DIAPH2: variants seen among roughly 807,000 people sequenced by gnomAD.
The protein encoded by DIAPH2 is diaphanous related formin 2.
A neutral mutation model predicts 92.7 loss-of-function variants in DIAPH2; 35 were observed. The observed-to-expected ratio is 0.38, with a 90% CI of 0.29 to 0.50. The LOEUF is 0.50. DIAPH2 is among the 20% of genes least tolerant of loss of function. The pLI is 0.94. For missense variants in DIAPH2, 701 were observed against 819.5 expected, an observed-to-expected ratio of 0.86 and a Z score of 1.77; for synonymous variants, 301 against 280.4, an observed-to-expected ratio of 1.07 and a Z score of -0.73.
chrX:96,821,041 A>G (rs233679), intron 4 of DIAPH2, among the ~76,000 whole-genome samples: 45,877 of 110,278 alleles, frequency 0.42, 8,218 homozygotes, highest in African/African-American at 0.7. Context: ...CAAAACAATA[A>G]GAAAGCCAGT....
At chrX:96,889,887 T>C (rs751900679) in intron 5 of DIAPH2, among the ~76,000 whole-genome samples, 2 of 112,239 alleles carry the variant, frequency 1.8e-5, no homozygotes, top group East Asian at 5.6e-4. Context: ...TGGCATGTTC[T>C]AGGAATGTCA....
At chrX:97,355,908 G>A (rs1046667191) in intron 24 of DIAPH2, among the ~76,000 whole-genome samples, 2 of 111,800 alleles carry the variant, frequency 1.8e-5, no homozygotes, top group Non-Finnish European at 3.8e-5. Flanking sequence ...TGAAAATATA[G>A]CAATGAACAA....
At chrX:97,417,978 T>G (rs1206339738) in intron 25 of DIAPH2, among the ~76,000 whole-genome samples, 1 of 111,455 alleles carries the variant, frequency 9.0e-6, no homozygotes, top group Non-Finnish European at 1.9e-5. Flanking sequence ...ACCATGACAA[T>G]TAACTGATCA....
intron 26 of DIAPH2, among the ~76,000 whole-genome samples, chrX:97,448,272 A>T (rs2147791808): frequency 8.9e-6 from 1 of 112,362 alleles, no homozygotes; most frequent in South Asian, 3.7e-4. Flanking sequence ...TTCAATATAT[A>T]TTCCAAATTG....
chrX:97,286,463 A>G (rs749416607), intron 23 of DIAPH2, among the ~76,000 whole-genome samples: 7 of 111,506 alleles, frequency 6.3e-5, no homozygotes, highest in Non-Finnish European at 1.1e-4. Flanking sequence ...GGCTGTTGCA[A>G]TGCTAGAGGG....
Position 97,501,739 on chromosome X carries a change from A to G in DIAPH2, c.3241+71994A>G, listed in dbSNP as rs767300848. 3.6e-5 allele frequency among the ~76,000 whole-genome samples: 4 copies of G among 112,194 alleles called. No homozygotes were observed. The East Asian group carries it at 1.1e-3, about 31-fold the overall frequency. On this transcript the variant is annotated intron_variant, in intron 26 of 26. Coordinates refer to ENST00000324765, the MANE Select transcript of DIAPH2 (RefSeq NM_006729.5). Reference sequence around the variant, plus strand: ...TTTTAATAAAGCGGGCTTTTAAAATAATTTAATTCAACTTTTCACCTCTTA... The same window carrying G: ...TTTTAATAAAGCGGGCTTTTAAAATGATTTAATTCAACTTTTCACCTCTTA...
intron 4 of DIAPH2, among the ~76,000 whole-genome samples, chrX:96,815,240 T>A (rs1771930764): frequency 8.9e-6 from 1 of 111,826 alleles, no homozygotes; most frequent in South Asian, 3.8e-4. Flanking sequence ...GCCTCAGCAA[T>A]GGTGGATGCC....
chrX:97,435,139 G>T (rs868412045), intron 26 of DIAPH2, among the ~76,000 whole-genome samples: 1 of 111,661 alleles, frequency 9.0e-6, no homozygotes, highest in Non-Finnish European at 1.9e-5. Context: ...AAAAACCGAT[G>T]ATTTGCTATT....
chrX:97,164,564 T>TCA (rs2067398248), intron 22 of DIAPH2, among the ~76,000 whole-genome samples: 1 of 112,228 alleles, frequency 8.9e-6, no homozygotes, highest in African/African-American at 3.2e-5. Context: ...TTTAGAAATG[T>TCA]ATGTCTTCTT....
chrX:96,978,561 G>A (rs1232713813), intron 17 of DIAPH2, among the ~76,000 whole-genome samples: 1 of 110,296 alleles, frequency 9.1e-6, no homozygotes, highest in Admixed American at 9.7e-5. Context: ...GAATACAGCT[G>A]CACTTGAAAA....
Position 97,351,274 on chromosome X carries a change from A to T in DIAPH2, c.3009+2994A>T, listed in dbSNP as rs188496787. 3.6e-5 allele frequency among the ~76,000 whole-genome samples: 4 copies of T among 112,598 alleles called. No homozygotes were observed. In the Admixed American group the frequency reaches 3.8e-4, roughly 11 times the overall value. On this transcript the variant is annotated intron_variant, in intron 24 of 26. Transcript: ENST00000324765. ...CTTGAAACCTATGCTATACAGATGT[A>T]GAATATTATTAGCCATTCTCTGACT...
In DIAPH2 at chrX:97,468,573, T is replaced by A. The variant is rs186162728; in HGVS notation, c.3241+38828T>A. Among the ~76,000 whole-genome samples, 128 of 109,638 alleles carry A rather than the reference T, an allele frequency of 1.2e-3. 2 individuals are homozygous for A. The East Asian group carries it at 0.027, about 23-fold the overall frequency. ...GTTTTATAGCTAGAAAACCTATTAT[T>A]TAGGTTTGATTTTGGTGTATTTACT... On this transcript the variant is annotated intron_variant, in intron 26 of 26. Transcript: ENST00000324765.
At chrX:96,808,665 T>C (rs1202882931) in intron 4 of DIAPH2, among the ~76,000 whole-genome samples, 1 of 112,106 alleles carries the variant, frequency 8.9e-6, no homozygotes, top group Non-Finnish European at 1.9e-5. Context: ...CAACTAGTAC[T>C]CTGTCAGGAA....
intron 24 of DIAPH2, among the ~76,000 whole-genome samples, chrX:97,361,258 T>C (rs1389167088): frequency 9.0e-6 from 1 of 110,806 alleles, no homozygotes; most frequent in East Asian, 2.8e-4. Flanking sequence ...AGTTTTAGAA[T>C]AGAATATATT....
rs753014133 is a variant in DIAPH2 at position 97,429,629 on chromosome X, C to T, written c.3146-21C>T. Reference sequence around the variant, plus strand: ...AACTTTAATTGCTCCAAGATTAATTCTGATTTCTCCCTTTCTCCAGAGGGT... The same window carrying T: ...AACTTTAATTGCTCCAAGATTAATTTTGATTTCTCCCTTTCTCCAGAGGGT... On this transcript the variant is annotated intron_variant, in intron 25 of 26. Transcript: ENST00000324765. 38 of 1,195,226 alleles carry T rather than the reference C, an allele frequency of 3.2e-5. No homozygotes were observed. The African/African-American group carries it at 6.2e-4, about 20-fold the overall frequency.
chrX:96,750,051 GTTTTTTT>G (rs753887199), intron 3 of DIAPH2, among the ~76,000 whole-genome samples: 5 of 71,044 alleles, frequency 7.0e-5, no homozygotes, highest in Non-Finnish European at 1.0e-4. Flanking sequence ...TATATTTCAA[GTTTTTTT>G]TTTTTTTTTT....
chrX:96,742,005 T>C (rs143088391), intron 3 of DIAPH2, among the ~76,000 whole-genome samples: 151 of 111,621 alleles, frequency 1.4e-3, no homozygotes, highest in African/African-American at 4.6e-3. Context: ...CAGACTCATA[T>C]ATTAAACTTC....
At chrX:96,825,791 G>A (rs1256014309) in intron 4 of DIAPH2, among the ~76,000 whole-genome samples, 3 of 110,334 alleles carry the variant, frequency 2.7e-5, no homozygotes, top group African/African-American at 9.9e-5. Context: ...TGGGTAACCT[G>A]TCCCTCATTC....
intron 22 of DIAPH2, among the ~76,000 whole-genome samples, chrX:97,216,546 T>G (rs1353826429): frequency 9.1e-6 from 1 of 109,601 alleles, no homozygotes; most frequent in Non-Finnish European, 1.9e-5. Flanking sequence ...GCTCAAGTGA[T>G]CTTCCCGCCT....
Sources: allele counts gnomAD v4.1 joint callset (sites outside exome capture counted in the v4.1 genomes callset), GRCh38; gene constraint gnomAD v4.1.1; transcripts MANE v1.5; gene names NCBI Gene and HGNC (gene_info 2026-07-23, HGNC 2026-07-21).